The following PDE1A variants were observed in gnomAD, a reference collection of about 807,000 sequenced individuals.
The protein encoded by PDE1A is dual specificity calcium/calmodulin-dependent 3',5'-cyclic nucleotide phosphodiesterase 1A.
Under a neutral mutation model 61.7 loss-of-function variants are expected in PDE1A, and 35 were observed. That is an observed-to-expected ratio of 0.57 (90% CI 0.43 to 0.75). PDE1A has a LOEUF of 0.75. PDE1A is among the 30% of genes least tolerant of loss of function. The pLI is 0.00. For synonymous variants in PDE1A, 232 were observed against 213.2 expected (o/e 1.09, Z -0.77); for missense variants, 597 against 630.6 (o/e 0.95, Z 0.57).
At chr2:182,594,682 G>GT in the PDE1A span, among the ~76,000 whole-genome samples, 1 of 152,254 alleles carries the variant, frequency 6.6e-6, no homozygotes, top group African/African-American at 2.4e-5. Context: ...CTTGTATAAA[G>GT]GTATTTAACT....
At chr2:182,276,723 G>A (rs1693439984) in intron 1 of PDE1A, among the ~76,000 whole-genome samples, 1 of 152,048 alleles carries the variant, frequency 6.6e-6, no homozygotes, top group Non-Finnish European at 1.5e-5. Context: ...TTCTTGCAGA[G>A]AGCCTATAAA....
the PDE1A span, among the ~76,000 whole-genome samples, chr2:182,625,402 T>G: frequency 1.3e-5 from 2 of 152,196 alleles, no homozygotes; most frequent in Non-Finnish European, 2.9e-5. Flanking sequence ...AAATAGGTAG[T>G]TAGTTTAACT....
intron 1 of PDE1A, among the ~76,000 whole-genome samples, chr2:182,337,690 C>A (rs1388172334): frequency 6.6e-6 from 1 of 152,136 alleles, no homozygotes; most frequent in Non-Finnish European, 1.5e-5. Context: ...CCTTCGACAG[C>A]TGATCTAAAA....
exon 1 of PDE1A, chr2:182,426,720 A>T (rs1401128475): frequency 6.3e-7 from 1 of 1,588,158 alleles, no homozygotes; most frequent in African/African-American, 1.4e-5. Context: ...ATTGTGCTGC[A>T]AGGAGCCCAG....
intron 1 of PDE1A, among the ~76,000 whole-genome samples, chr2:182,347,778 T>C (rs1241267454): frequency 6.6e-6 from 1 of 152,040 alleles, no homozygotes; most frequent in Non-Finnish European, 1.5e-5. Context: ...AGAAGAGATA[T>C]AAACAAAGCA....
At chr2:182,149,096 A>T (rs1261240065) in intron 13 of PDE1A, among the ~76,000 whole-genome samples, 1 of 152,172 alleles carries the variant, frequency 6.6e-6, no homozygotes, top group African/African-American at 2.4e-5. Context: ...CTGTTACTTA[A>T]GACTAGATTA....
rs115399909 is a variant in PDE1A at position 182,483,547 on chromosome 2, A to C, written c.101+38729T>G. On this transcript the variant is annotated intron_variant, in intron 2 of 14. Coordinates refer to the PDE1A transcript ENST00000410103. ...ACATAAAAAACAAACAACATACTCT[A>C]AATAATTCACAGATAAATGGAGTTA... 6.1e-3 allele frequency among the ~76,000 whole-genome samples: 931 copies of C among 152,050 alleles called. 5 individuals are homozygous for C. The highest frequency in any genetic ancestry group is 0.021 in the African/African-American group (881 of 41,538).
At chr2:182,363,398 G>T (rs1176336528) in intron 1 of PDE1A, among the ~76,000 whole-genome samples, 2 of 151,938 alleles carry the variant, frequency 1.3e-5, no homozygotes, top group Non-Finnish European at 2.9e-5. Flanking sequence ...TGATATATTA[G>T]AAGATTCCAA....
chr2:182,390,873 A>T (rs927557450), intron 1 of PDE1A, among the ~76,000 whole-genome samples: 2 of 152,314 alleles, frequency 1.3e-5, no homozygotes, highest in East Asian at 3.9e-4. Context: ...TCTGAGGAGA[A>T]CAACCATGCA....
the PDE1A span, among the ~76,000 whole-genome samples, chr2:182,579,577 G>T: frequency 6.6e-6 from 1 of 152,180 alleles, no homozygotes; most frequent in Non-Finnish European, 1.5e-5. Flanking sequence ...GTCTGCAGCA[G>T]CTTGAAGATC....
intron 2 of PDE1A, among the ~76,000 whole-genome samples, chr2:182,499,184 T>TGTTGTTG (rs1553633044): frequency 2.2e-5 from 3 of 136,076 alleles, no homozygotes; most frequent in Admixed American, 1.4e-4. Context: ...TTTTTTTTTT[T>TGTTGTTG]TTTTTTTTTT....
intron 2 of PDE1A, among the ~76,000 whole-genome samples, chr2:182,482,492 G>T (rs1687764893): frequency 6.6e-6 from 1 of 151,570 alleles, no homozygotes; most frequent in Non-Finnish European, 1.5e-5. Flanking sequence ...GGAGTAAAAG[G>T]ATCACAAACA....
At chr2:182,201,819 A>G in intron 8 of PDE1A, 30 bp from the exon 9 acceptor site, 1 of 1,384,730 alleles carries the variant, frequency 7.2e-7, no homozygotes, top group Non-Finnish European at 1.0e-6. Context: ...AGAAAGGTTC[A>G]TTCAGCCATT....
In PDE1A at chr2:182,397,755, G is replaced by C. The variant is rs1233439149; in HGVS notation, c.53+28823C>G. ...TTACTGTATAAACTCTTTAAGATCA[G>C]GGATCAGTTTTTGGTCATCTGTGTG... On this transcript the variant is annotated intron_variant, in intron 1 of 13. Transcript: ENST00000351439. Among the ~76,000 whole-genome samples the C allele has an allele frequency of 2.6e-5, 4 of 152,018 alleles. No homozygotes were observed. The East Asian group carries it at 7.7e-4, about 29-fold the overall frequency.
At chr2:182,499,752 T>A (rs895579798) in intron 2 of PDE1A, among the ~76,000 whole-genome samples, 1 of 152,238 alleles carries the variant, frequency 6.6e-6, no homozygotes, top group African/African-American at 2.4e-5. Flanking sequence ...TATCTTCACA[T>A]ATGAATTCAT....
At chr2:182,549,901 C>G in the PDE1A span, among the ~76,000 whole-genome samples, 1 of 152,030 alleles carries the variant, frequency 6.6e-6, no homozygotes, top group South Asian at 2.1e-4. Context: ...CAAATGAAAT[C>G]AGGAAGAAAA....
chr2:182,588,938 G>T, the PDE1A span, among the ~76,000 whole-genome samples: 1 of 151,688 alleles, frequency 6.6e-6, no homozygotes, highest in Admixed American at 6.6e-5. Flanking sequence ...AGCTACTTGG[G>T]AGGCTGAGGT....
intron 1 of PDE1A, among the ~76,000 whole-genome samples, chr2:182,281,998 C>G (rs914182931): frequency 6.6e-6 from 1 of 151,878 alleles, no homozygotes; most frequent in African/African-American, 2.4e-5. Flanking sequence ...CACCCCATAC[C>G]TGTGCCTTTC....
intron 2 of PDE1A, among the ~76,000 whole-genome samples, chr2:182,486,270 G>A (rs1322840799): frequency 6.6e-6 from 1 of 151,908 alleles, no homozygotes; most frequent in Non-Finnish European, 1.5e-5. Context: ...TTTGTACACT[G>A]ACAATAATAA....
Sources: allele counts gnomAD v4.1 joint callset (sites outside exome capture counted in the v4.1 genomes callset), GRCh38; gene constraint gnomAD v4.1.1; transcripts MANE v1.5; gene names NCBI Gene and HGNC (gene_info 2026-07-23, HGNC 2026-07-21).